ASB2: variants seen among roughly 807,000 people sequenced by gnomAD.
ASB2 encodes the protein ankyrin repeat and SOCS box protein 2.
ASB2 carries 58 observed loss-of-function variants against 62.4 expected under a neutral mutation model. The ratio of observed to expected loss-of-function variants is 0.93; its 90% CI spans 0.75 to 1.16. ASB2 has a LOEUF of 1.16. Ranked by LOEUF, ASB2 falls within the 50% of genes most tolerant of loss-of-function variation. The probability of loss-of-function intolerance (pLI) is 0.00; values close to 1 mark genes in which losing one functional copy is unlikely to be tolerated. For synonymous variants in ASB2, 386 were observed against 385.3 expected (o/e 1.00, Z -0.02); for missense variants, 928 against 887.9 (o/e 1.05, Z -0.57).
At chr14:93,956,680 GC>G (rs1889221528) in intron 3 of ASB2, 85 bp downstream of exon 3, 4 of 1,553,814 alleles carry the variant, frequency 2.6e-6, no homozygotes, top group Non-Finnish European at 3.5e-6. Context: ...CCTCCTGGGG[GC>G]TGTGGGCCTG....
chr14:93,955,026 C>G, intron 3 of ASB2: 1 of 456,802 alleles, frequency 2.2e-6, no homozygotes, highest in Non-Finnish European at 4.4e-6. Context: ...TAAAGTGAAG[C>G]CGTTCCTTGC....
At chr14:93,949,834 C>T (rs569997196) in intron 6 of ASB2, among the ~76,000 whole-genome samples, 1 of 152,298 alleles carries the variant, frequency 6.6e-6, no homozygotes, top group Non-Finnish European at 1.5e-5. Flanking sequence ...CAGGACCCTG[C>T]CTGTGCCCCT....
intron 1 of ASB2, among the ~76,000 whole-genome samples, chr14:93,974,928 G>A (rs1353892535): frequency 2.0e-5 from 3 of 152,204 alleles, no homozygotes; most frequent in South Asian, 2.1e-4. Flanking sequence ...CCACCACAAG[G>A]CACTCATGAC....
intron 2 of ASB2, among the ~76,000 whole-genome samples, chr14:93,961,443 C>T (rs1258058977): frequency 6.6e-6 from 1 of 152,198 alleles, no homozygotes; most frequent in Non-Finnish European, 1.5e-5. Context: ...AGACACAGCG[C>T]TTCACTGGAG....
chr14:93,957,164 A>G, intron 2 of ASB2: 1 of 1,344,410 alleles, frequency 7.4e-7, no homozygotes, highest in Non-Finnish European at 9.5e-7. Flanking sequence ...GCCAACCACG[A>G]AAGAGGCAGA....
At chr14:93,958,352 G>T (rs926374869) in intron 2 of ASB2, among the ~76,000 whole-genome samples, 8 of 152,184 alleles carry the variant, frequency 5.3e-5, no homozygotes, top group Admixed American at 2.6e-4. Flanking sequence ...GTCACCTTCA[G>T]CATGACAGCG....
At chr14:93,974,473 AG>A (rs1021652902) in intron 1 of ASB2, among the ~76,000 whole-genome samples, 2 of 152,228 alleles carry the variant, frequency 1.3e-5, no homozygotes, top group Non-Finnish European at 2.9e-5. Flanking sequence ...GGGCAGGCCC[AG>A]AGATATTTTT....
Position 93,953,476 on chromosome 14 carries a change from C to G in ASB2, c.510G>C (p.Leu170=). 6.2e-7 allele frequency: 1 copy of G among 1,603,220 alleles called. No homozygotes were observed. Residue 170 remains leucine, a synonymous_variant, in exon 5 of 10, where the codon CTG becomes CTC. Coordinates refer to ENST00000555019, the MANE Select transcript of ASB2 (RefSeq NM_001202429.2). Reference sequence around the variant, plus strand: ...CCAAGTAAACGGCTGTTTCCTCCTGCAGGGTGCGCTGGTCGATGGTCCCTG... The same window carrying G: ...CCAAGTAAACGGCTGTTTCCTCCTGGAGGGTGCGCTGGTCGATGGTCCCTG... ...AYPGTIDQRT[L]QEETAVYLAT...
chr14:93,950,965 G>A (rs766384356), intron 6 of ASB2, 34 bp downstream of exon 6: 3 of 1,592,120 alleles, frequency 1.9e-6, no homozygotes, highest in Non-Finnish European at 2.6e-6. Context: ...TGCCCTTTGG[G>A]GACTCCATGA....
intron 2 of ASB2, among the ~76,000 whole-genome samples, chr14:93,958,542 C>T (rs992238614): frequency 1.3e-5 from 2 of 152,190 alleles, no homozygotes; most frequent in Non-Finnish European, 2.9e-5. Context: ...TCCTTATTTG[C>T]AAAATGGAGA....
At chr14:93,955,761 G>A (rs112159001) in intron 3 of ASB2, among the ~76,000 whole-genome samples, 3 of 152,256 alleles carry the variant, frequency 2.0e-5, no homozygotes, top group African/African-American at 4.8e-5. Flanking sequence ...CAAAGTCCCC[G>A]CCCTATGAGT....
intron 1 of ASB2, among the ~76,000 whole-genome samples, chr14:93,975,181 C>A (rs1889878399): frequency 1.3e-5 from 2 of 152,380 alleles, no homozygotes; most frequent in African/African-American, 2.4e-5. Flanking sequence ...TCCCTCTGAG[C>A]CCCCTCAAGC....
At chr14:93,975,813 C>A (rs1490752983) in intron 1 of ASB2, among the ~76,000 whole-genome samples, 1 of 152,220 alleles carries the variant, frequency 6.6e-6, no homozygotes. Flanking sequence ...AAGGCCATGG[C>A]CTCCTTAAAT....
rs1889353535 is a variant in ASB2 at position 93,959,986 on chromosome 14, C to A, written c.207-3116G>T. ...CCCGCCACTGTGCCATGAGTCTACC[C>A]CACGCCCACCCCATGCCACGAGTCC... On this transcript the variant is annotated intron_variant, in intron 2 of 9. Coordinates refer to ENST00000555019, the MANE Select transcript of ASB2 (RefSeq NM_001202429.2). 3.5e-5 allele frequency among the ~76,000 whole-genome samples: 4 copies of A among 114,150 alleles called. No individual in the cohort carries two copies. In the South Asian group the frequency reaches 9.9e-4, roughly 28 times the overall value. 74.9% of individuals were successfully genotyped at this position (114,150 alleles called of 152,430 possible).
rs548812381 is a variant in ASB2 at position 93,939,564 on chromosome 14, C to T, written c.1161G>A (p.Ala387=). ...TCACGTCGAAGCGCGCGCTCAGCAG[C>T]GCCTCCAGCACCTCGTCGTGGTTGC... The part of the protein sequence containing the change: ...AERNHDEVLE[A]LLSARFDVNT... The change falls in exon 8 of 10, where the codon GCG becomes GCA. Residue 387 remains alanine, a synonymous_variant. Transcript: ENST00000555019. 79 of 1,592,374 alleles carry T rather than the reference C, an allele frequency of 5.0e-5. 1 individual carries two copies. In the South Asian group the frequency reaches 7.9e-4, roughly 16 times the overall value.
At chr14:93,946,561 C>T (rs1888730948) in intron 7 of ASB2, among the ~76,000 whole-genome samples, 1 of 152,206 alleles carries the variant, frequency 6.6e-6, no homozygotes, top group Non-Finnish European at 1.5e-5. Context: ...AAGAGGTGTG[C>T]AGTCGGTTCC....
chr14:93,954,322 T>G lies in ASB2; in HGVS notation c.473A>C (p.Gln158Pro). 1 of 1,613,214 alleles carries G rather than the reference T, an allele frequency of 6.2e-7. No homozygotes were observed. Among genetic ancestry groups the G allele is most frequent in the African/African-American group, 1.3e-5 (1 of 75,048 alleles). Residue 158 changes from glutamine to proline, a missense_variant, in exon 4 of 10, where the codon CAG (glutamine) becomes CCG (proline). By Grantham distance (76) the Gln-to-Pro change is moderately conservative. Transcript: ENST00000555019. ...CGTCAGAGCCCAGCCCTCACCTCGC[T>G]GCAGGACTTTCAGGCAGCCCACCTG... Reference protein sequence around the residue: ...YGQVGCLKVLQRAYPGTIDQR... With the variant: ...YGQVGCLKVLPRAYPGTIDQR...
In ASB2 at chr14:93,953,428, G is replaced by A. The variant is rs1567025876; in HGVS notation, c.558C>T (p.Asp186=). ...VYLATCRGHL[D]CLLSLLQAGA... The stretch of plus-strand genomic sequence containing the variant: ...CTGCTTGGAGCAGTGACAGGAGACA[G>A]TCCAGGTGGCCCCTGCACGTTGCCA... The change falls in exon 5 of 10, where the codon GAC becomes GAT. Residue 186 remains aspartate (D), a synonymous_variant. Transcript: ENST00000555019. 4.3e-6 allele frequency: 7 copies of A among 1,609,772 alleles called. No individual in the cohort carries two copies. Among genetic ancestry groups the A allele is most frequent in the Non-Finnish European group, 5.9e-6 (7 of 1,176,566 alleles).
chr14:93,950,017 T>C (rs774025941), intron 6 of ASB2, among the ~76,000 whole-genome samples: 6 of 152,166 alleles, frequency 3.9e-5, no homozygotes, highest in Non-Finnish European at 8.8e-5. Flanking sequence ...CATGTGCAGT[T>C]TGGAGTCAGA....
Sources: allele counts gnomAD v4.1 joint callset (sites outside exome capture counted in the v4.1 genomes callset), GRCh38; gene constraint gnomAD v4.1.1; transcripts MANE v1.5; gene names NCBI Gene and HGNC (gene_info 2026-07-23, HGNC 2026-07-21).